KDM2A: variants seen among roughly 807,000 people sequenced by gnomAD.
KDM2A encodes the protein lysine demethylase 2A.
A neutral mutation model predicts 137.3 loss-of-function variants in KDM2A; 3 were observed. The ratio of observed to expected loss-of-function variants is 0.02; its 90% CI spans 0.01 to 0.06. The LOEUF is 0.06. Among genes scored for constraint, KDM2A ranks in the 10% least tolerant of loss-of-function variants. The pLI is 1.00. For synonymous variants in KDM2A, 512 were observed against 541.5 expected (o/e 0.95, Z 0.76); for missense variants, 738 against 1,510.6 (o/e 0.49, Z 8.48).
chr11:67,210,830 A>T (rs1192248523), intron 6 of KDM2A, among the ~76,000 whole-genome samples: 6 of 152,298 alleles, frequency 3.9e-5, no homozygotes, highest in Non-Finnish European at 5.9e-5. Context: ...AAAAGTATCG[A>T]CCAGGTCAAG....
intron 17 of KDM2A, chr11:67,252,266 CAAGG>C (rs376424971): frequency 9.2e-4 from 177 of 192,226 alleles, no homozygotes; most frequent in African/African-American, 3.7e-3. Context: ...GAGTGATTGA[CAAGG>C]GAGGGAACGG....
intron 6 of KDM2A, among the ~76,000 whole-genome samples, chr11:67,213,621 C>T (rs1378620100): frequency 2.0e-5 from 3 of 151,592 alleles, no homozygotes; most frequent in African/African-American, 4.8e-5. Flanking sequence ...TAGTTAGGTG[C>T]GGTGGCGGGT....
At chr11:67,218,926 G>A (rs1422560156) in intron 9 of KDM2A, among the ~76,000 whole-genome samples, 1 of 152,128 alleles carries the variant, frequency 6.6e-6, no homozygotes, top group Non-Finnish European at 1.5e-5. Context: ...CGTATTTTAT[G>A]TGTTGCCCAA....
chr11:67,204,011 G>C (rs1379308940), intron 5 of KDM2A, among the ~76,000 whole-genome samples: 1 of 151,986 alleles, frequency 6.6e-6, no homozygotes, highest in Non-Finnish European at 1.5e-5. Flanking sequence ...ATGTTGGCCA[G>C]GCTGGTCTCA....
Position 67,190,287 on chromosome 11 carries a change from G to A in KDM2A, c.307+8395G>A, listed in dbSNP as rs149064277. Reference sequence around the variant, plus strand: ...TAGCTGGATGTGGTGGTACATGCCTGTAATCCCAGCTACTCAGGAGGCTGA... The same window carrying A: ...TAGCTGGATGTGGTGGTACATGCCTATAATCCCAGCTACTCAGGAGGCTGA... On this transcript the variant is annotated intron_variant, in intron 5 of 20. Transcript: ENST00000529006. Among the ~76,000 whole-genome samples, 856 of 152,132 alleles carry A rather than the reference G, an allele frequency of 5.6e-3. 3 individuals carry two copies. Among genetic ancestry groups the A allele is most frequent in the African/African-American group, 0.02 (836 of 41,506 alleles).
At chr11:67,148,211 CTG>C (rs1856300123) in intron 2 of KDM2A, among the ~76,000 whole-genome samples, 2 of 151,878 alleles carry the variant, frequency 1.3e-5, no homozygotes, top group Non-Finnish European at 2.9e-5. Context: ...TTTTTGAACT[CTG>C]GGGTTTGAGA....
At chr11:67,205,011 A>G (rs1034707042) in intron 5 of KDM2A, among the ~76,000 whole-genome samples, 11 of 152,190 alleles carry the variant, frequency 7.2e-5, no homozygotes, top group Non-Finnish European at 1.6e-4. Flanking sequence ...TCTTTTAGAT[A>G]TATGCCTAGA....
intron 9 of KDM2A, 116 bp downstream of exon 9, chr11:67,218,000 GTTTCTTCCTGTCAT>G (rs1858222969): frequency 2.3e-6 from 2 of 885,808 alleles, no homozygotes; most frequent in Non-Finnish European, 3.4e-6. Context: ...AAACAACAGT[GTTTCTTCCTGTCAT>G]TATGGAATAG....
At chr11:67,224,741 C>G (rs991300190) in intron 10 of KDM2A, among the ~76,000 whole-genome samples, 1 of 151,464 alleles carries the variant, frequency 6.6e-6, no homozygotes, top group Non-Finnish European at 1.5e-5. Context: ...GCTGGGATTG[C>G]AGGCTTGAGC....
chr11:67,154,486 G>A (rs558146293), intron 2 of KDM2A, among the ~76,000 whole-genome samples: 8 of 152,036 alleles, frequency 5.3e-5, no homozygotes, highest in African/African-American at 1.4e-4. Context: ...AGGCTGGAGC[G>A]CAATGGCGTG....
rs144067451 is a variant in KDM2A at position 67,248,567 on chromosome 11, A to G, written c.2055+197A>G. The G allele has an allele frequency of 3.7e-3, 1,949 of 532,774 alleles. 7 individuals carry two copies. Among genetic ancestry groups the G allele is most frequent in the Admixed American group, 5.4e-3 (157 of 28,856 alleles). The allele number at this position is 532,774 out of a possible 1,614,324, so 33.0% of individuals were successfully genotyped here. A position where few individuals can be genotyped will look rare whatever the true frequency, so the allele number is the denominator to read the frequency against. ...TAGAGTTTGTAGCATTGTGTTTTGT[A>G]TTACTAAATGTTGTTCCACTTGGGA... On this transcript the variant is annotated intron_variant, in intron 16 of 20. Transcript: ENST00000529006.
chr11:67,216,180 A>G (rs368110706), intron 8 of KDM2A, among the ~76,000 whole-genome samples: 3 of 152,334 alleles, frequency 2.0e-5, no homozygotes, highest in East Asian at 3.9e-4. Flanking sequence ...GTAAATCTCA[A>G]TAGTCCTGTT....
Position 67,246,931 on chromosome 11 carries a change from C to T in KDM2A, c.1965+815C>T, listed in dbSNP as rs142050777. Among the ~76,000 whole-genome samples the T allele has an allele frequency of 2.9e-3, 438 of 149,954 alleles. 3 individuals carry two copies. Among genetic ancestry groups the T allele is most frequent in the Non-Finnish European group, 5.4e-3 (367 of 67,538 alleles). ...ATTAAGCATATGTTGAATGAAGAAC[C>T]GGGTTTTTGTTTTGTTTTGTTTTTG... On this transcript the variant is annotated intron_variant, in intron 15 of 20. Coordinates refer to ENST00000529006, the MANE Select transcript of KDM2A (RefSeq NM_012308.3).
chr11:67,231,855 T>G lies in KDM2A; in HGVS notation c.1374T>G (p.Leu458=). Residue 458 remains leucine, a synonymous_variant, in exon 12 of 21, where the codon CTT becomes CTG. Coordinates refer to ENST00000529006, the MANE Select transcript of KDM2A (RefSeq NM_012308.3). ...DRQVHLTHFE[L]EGLRCLVDKL... ...AAGTGCATCTGACCCATTTTGAGCT[T>G]GAAGGCCTTCGCTGCCTTGTAGATA... 1 of 1,614,054 alleles carries G rather than the reference T, an allele frequency of 6.2e-7. No individual in the cohort carries two copies. The highest frequency in any genetic ancestry group is 8.5e-7 in the Non-Finnish European group (1 of 1,179,894).
At chr11:67,138,031 T>C (rs1425989094) in intron 2 of KDM2A, among the ~76,000 whole-genome samples, 1 of 152,036 alleles carries the variant, frequency 6.6e-6, no homozygotes, top group Non-Finnish European at 1.5e-5. Context: ...CTCCTGACCT[T>C]GTGATTCGCC....
intron 2 of KDM2A, among the ~76,000 whole-genome samples, chr11:67,131,708 C>T (rs1258243139): frequency 1.3e-5 from 2 of 152,100 alleles, no homozygotes; most frequent in South Asian, 2.1e-4. Flanking sequence ...CACGACTTTC[C>T]GCCTACTTTA....
At chr11:67,194,159 A>G (rs2136355451) in intron 5 of KDM2A, among the ~76,000 whole-genome samples, 1 of 152,248 alleles carries the variant, frequency 6.6e-6, no homozygotes, top group South Asian at 2.1e-4. Flanking sequence ...CTTTTCTAGT[A>G]TTAGTTTAAA....
At chr11:67,248,169 C>T in intron 15 of KDM2A, 112 bp from the exon 16 acceptor site, 1 of 773,116 alleles carries the variant, frequency 1.3e-6, no homozygotes, top group East Asian at 2.7e-5. Flanking sequence ...CAGTTTTTCT[C>T]CCTTTATGGA....
intron 10 of KDM2A, among the ~76,000 whole-genome samples, chr11:67,221,670 A>G (rs1407517824): frequency 6.6e-6 from 1 of 152,202 alleles, no homozygotes; most frequent in Non-Finnish European, 1.5e-5. Flanking sequence ...TTTATTTGTT[A>G]AGAGTAACAA....
Sources: gnomAD v4.1 joint callset for allele counts (sites outside exome capture counted in the v4.1 genomes callset) on GRCh38, gnomAD v4.1.1 for gene constraint, MANE v1.5 for transcripts, NCBI Gene and HGNC (gene_info 2026-07-23, HGNC 2026-07-21) for gene names.